Variants in C2CD2 observed in about 807,000 individuals in gnomAD.
C2CD2 encodes C2 calcium dependent domain containing 2.
A neutral mutation model predicts 74.3 loss-of-function variants in C2CD2; 43 were observed. The ratio of observed to expected loss-of-function variants is 0.58; its 90% CI spans 0.45 to 0.75. The LOEUF is 0.75. C2CD2 is among the 30% of genes least tolerant of loss of function. The pLI is 0.00. For missense variants in C2CD2, 801 were observed against 916.3 expected (o/e 0.87, Z 1.63); for synonymous variants, 422 against 390.7 (o/e 1.08, Z -0.94).
Position 41,903,865 on chromosome 21 carries a change from C to A in C2CD2, c.1432+1859G>T, listed in dbSNP as rs957302563. Among the ~76,000 whole-genome samples the A allele has an allele frequency of 7.2e-5, 11 of 152,202 alleles. No homozygotes were observed. The highest frequency in any genetic ancestry group is 2.6e-4 in the African/African-American group (11 of 41,542). ...AGGGATCCTGCCCACGTGACAGGAC[C>A]CCGCAGCATGGGCAGTGGGGGCACT... On this transcript the variant is annotated intron_variant, in intron 11 of 13. Coordinates refer to ENST00000380486, the MANE Select transcript of C2CD2 (RefSeq NM_015500.2). This position sits in a 1 kb window ranked among gnomAD's most constrained non-coding sequence, Gnocchi z 4.5.
intron 9 of C2CD2, 84 bp downstream of exon 9, chr21:41,907,576 G>C: frequency 7.0e-7 from 1 of 1,431,460 alleles, no homozygotes; most frequent in Non-Finnish European, 9.5e-7. Context: ...AGGCAGGAGT[G>C]AGACTCTGCA....
rs1409938098 is a variant in C2CD2, at chr21:41,893,701, T to TC, written c.1871-4358_1871-4357insG. Among the ~76,000 whole-genome samples, 92 of 108,712 alleles carry TC rather than the reference T, an allele frequency of 8.5e-4. 1 individual carries two copies. The highest frequency in any genetic ancestry group is 3.2e-3 in the African/African-American group (83 of 26,298). The allele number at this position is 108,712 out of a possible 152,430, so 71.3% of individuals were successfully genotyped here. ...TGTCTGCTGTTTTGTTAAATTTCTT[T>TC]TTTTTTTTTTTTTTTTTTGAGACGG... On this transcript the variant is annotated intron_variant, in intron 13 of 13. Coordinates refer to ENST00000380486, the MANE Select transcript of C2CD2 (RefSeq NM_015500.2).
In C2CD2 at chr21:41,953,534, C is replaced by A; in HGVS notation, c.115G>T (p.Ala39Ser). 4.7e-6 allele frequency: 7 copies of A among 1,478,282 alleles called. No homozygotes were observed. The highest frequency in any genetic ancestry group is 2.4e-5 in the Admixed American group (1 of 41,438). The allele number at this position is 1,478,282 out of a possible 1,614,324, so 91.6% of individuals were successfully genotyped here. A position where few individuals can be genotyped will look rare whatever the true frequency, so the allele number is the denominator to read the frequency against. Residue 39 changes from alanine (A) to serine (S), a missense_variant, in exon 1 of 14, where the codon GCC becomes TCC. By Grantham distance (99) the Ala-to-Ser change is moderately conservative. Coordinates refer to ENST00000380486, the MANE Select transcript of C2CD2 (RefSeq NM_015500.2). ...VGLYLAQWAL[A>S]RARPQPQRRA... ...CGCTGGGGCTGGGGTCGCGCCCTGG[C>A]CAGCGCCCACTGCGCCAGGTACAGG...
chr21:41,950,995 G>A (rs974527248), intron 1 of C2CD2, among the ~76,000 whole-genome samples: 4 of 152,164 alleles, frequency 2.6e-5, no homozygotes, highest in Non-Finnish European at 2.9e-5. Flanking sequence ...CTGTCCAGGC[G>A]AGAGCGGGCT....
At chr21:41,922,724 C>T (rs1362867096) in intron 2 of C2CD2, among the ~76,000 whole-genome samples, 2 of 152,224 alleles carry the variant, frequency 1.3e-5, no homozygotes, top group Admixed American at 1.3e-4. Flanking sequence ...ATCTACCCAC[C>T]TCAGCCTCCC....
At chr21:41,928,246 T>G (rs973981990) in intron 2 of C2CD2, among the ~76,000 whole-genome samples, 2 of 152,012 alleles carry the variant, frequency 1.3e-5, no homozygotes, top group African/African-American at 4.8e-5. Flanking sequence ...CGACGAAACC[T>G]CGGGGCCACC....
At position 41,886,030 on chromosome 21, in the gene C2CD2, A is replaced by G. The variant is rs1330458139; in HGVS notation, c.*3094T>C. On this transcript the variant is annotated 3_prime_UTR_variant, in exon 14 of 14. Coordinates refer to ENST00000380486, the MANE Select transcript of C2CD2 (RefSeq NM_015500.2). ...CACACGCGTGTGTGCAAACACACAT[A>G]ACACACACACACACTTAAAGCTCCA... The G allele has an allele frequency of 6.6e-6, 1 of 152,068 alleles. No individual in the cohort carries two copies. Among genetic ancestry groups the G allele is most frequent in the Non-Finnish European group, 1.5e-5 (1 of 67,934 alleles). The allele number at this position is 152,068 out of a possible 1,614,324, so 9.4% of individuals were successfully genotyped here.
In C2CD2 at chr21:41,928,544, CAAAA is replaced by C. The variant is rs59346777; in HGVS notation, c.379-6463_379-6460del. On this transcript the variant is annotated intron_variant, in intron 2 of 13. Transcript: ENST00000380486. ...GAATTTCAAATCATGTAAAGCAAAG[CAAAA>C]AAAAAAAAAAAAAAAAAAAAGACAA... is the stretch of plus-strand genomic sequence containing the variant. Among the ~76,000 whole-genome samples, 373 of 72,250 alleles carry C rather than the reference CAAAA, an allele frequency of 5.2e-3. 2 individuals are homozygous for C. The highest frequency in any genetic ancestry group is 0.018 in the African/African-American group (336 of 18,822). 47.4% of individuals were successfully genotyped at this position (72,250 alleles called of 152,430 possible).
chr21:41,901,014 T>A (rs1333409028), intron 12 of C2CD2: 1 of 152,400 alleles, frequency 6.6e-6, no homozygotes, highest in Non-Finnish European at 1.5e-5. Context: ...AATTTTAAAA[T>A]CAATTTTAAA....
intron 2 of C2CD2, among the ~76,000 whole-genome samples, chr21:41,941,366 C>T (rs2065352847): frequency 6.6e-6 from 1 of 151,970 alleles, no homozygotes; most frequent in Non-Finnish European, 1.5e-5. Flanking sequence ...TAAAACAATA[C>T]AAAACAAAGC....
At chr21:41,922,107 G>C in intron 2 of C2CD2, 22 bp from the exon 3 acceptor site, 1 of 1,418,386 alleles carries the variant, frequency 7.1e-7, no homozygotes, top group Non-Finnish European at 1.0e-6. Context: ...ACAGGTAAGG[G>C]AGAAAACTGT....
intron 6 of C2CD2, among the ~76,000 whole-genome samples, chr21:41,913,876 A>G (rs914178620): frequency 2.0e-4 from 30 of 152,292 alleles, no homozygotes; most frequent in African/African-American, 6.7e-4. Flanking sequence ...AACAGCAGCC[A>G]TGGTCTCCCA....
Position 41,895,939 on chromosome 21 carries a change from G to A in C2CD2, c.1870+3114C>T, listed in dbSNP as rs566661058. Among the ~76,000 whole-genome samples the A allele has an allele frequency of 6.6e-6, 1 of 152,208 alleles. No homozygotes were observed. Among genetic ancestry groups the A allele is most frequent in the East Asian group, 1.9e-4 (1 of 5,200 alleles). On this transcript the variant is annotated intron_variant, in intron 13 of 13. Transcript: ENST00000380486. This position sits in a 1 kb window ranked among gnomAD's most constrained non-coding sequence, Gnocchi z 5.0. ...CGACTACTTTTTAGCTCTGGAGGAC[G>A]ACAAAAGGAACCAGCTTCTTCCTGT...
At chr21:41,940,074 G>A (rs2065342323) in intron 2 of C2CD2, among the ~76,000 whole-genome samples, 1 of 152,190 alleles carries the variant, frequency 6.6e-6, no homozygotes, top group Non-Finnish European at 1.5e-5. Flanking sequence ...TTGGATTCGA[G>A]ATGCTTGACT....
chr21:41,899,413 G>A lies in C2CD2; in HGVS notation c.1561-51C>T, dbSNP rs761462643. ...CAAGGGATACATGAAAGGAAGGGAG[G>A]GTTTGAAAAGAACTGAAAAGCACTC... On this transcript the variant is annotated intron_variant, in intron 12 of 13. Transcript: ENST00000380486. This position sits in a 1 kb window ranked among gnomAD's most constrained non-coding sequence, Gnocchi z 4.4. The A allele has an allele frequency of 5.2e-6, 8 of 1,535,348 alleles. No homozygotes were observed. The highest frequency in any genetic ancestry group is 1.8e-5 in the Admixed American group (1 of 55,916).
Position 41,889,176 on chromosome 21 carries a change from C to T in C2CD2, c.2039G>A (p.Arg680Lys). ...TRILNKKLLS[R>K]HRNKNTMNGA... ...GTTCATGGTGTTCTTGTTTCTGTGC[C>T]TGGAGAGCAGCTTCTTGTTCAGGAT... The change falls in exon 14 of 14, where the codon AGG becomes AAG. Residue 680 changes from arginine to lysine, a missense_variant. Physicochemically the swap from Arg to Lys is conservative, Grantham distance 26. Coordinates refer to ENST00000380486, the MANE Select transcript of C2CD2 (RefSeq NM_015500.2). The T allele has an allele frequency of 5.6e-6, 9 of 1,612,876 alleles. No homozygotes were observed. Among genetic ancestry groups the T allele is most frequent in the Non-Finnish European group, 7.6e-6 (9 of 1,180,040 alleles).
Position 41,907,145 on chromosome 21 carries a change from C to T in C2CD2, c.1165G>A (p.Glu389Lys), listed in dbSNP as rs1358381155. 4 of 1,614,172 alleles carry T rather than the reference C, an allele frequency of 2.5e-6. No homozygotes were observed. Among genetic ancestry groups the T allele is most frequent in the Non-Finnish European group, 3.4e-6 (4 of 1,179,998 alleles). Reference protein sequence around the residue: ...TAEFSYMEPGELKSWPIPPPV... With the variant: ...TAEFSYMEPGKLKSWPIPPPV... Reference sequence around the variant, plus strand: ...GGAGGGATGGGCCAGGATTTCAATTCACCAGGTTCCATGTAAGAGAACTGC... The same window carrying T: ...GGAGGGATGGGCCAGGATTTCAATTTACCAGGTTCCATGTAAGAGAACTGC... The change falls in exon 10 of 14, where the codon GAA (glutamate) becomes AAA (lysine). Residue 389 changes from glutamate (E) to lysine (K), a missense_variant. Physicochemically the swap from Glu to Lys is moderately conservative, Grantham distance 56. Transcript: ENST00000380486.
intron 5 of C2CD2, among the ~76,000 whole-genome samples, chr21:41,915,706 C>T (rs1446566077): frequency 1.3e-5 from 2 of 152,156 alleles, no homozygotes; most frequent in Non-Finnish European, 2.9e-5. Flanking sequence ...TCCCAAAGTG[C>T]TGGGATTACA....
At chr21:41,944,021 G>C (rs1026490875) in intron 1 of C2CD2, among the ~76,000 whole-genome samples, 1 of 152,200 alleles carries the variant, frequency 6.6e-6, no homozygotes, top group East Asian at 1.9e-4. Flanking sequence ...CAGCACAGAG[G>C]CCAGTGCCAG....
Sources: gnomAD v4.1 joint callset for allele counts (sites outside exome capture counted in the v4.1 genomes callset) on GRCh38, gnomAD v4.1.1 for gene constraint, Gnocchi (gnomAD v3.1) non-coding constraint, MANE v1.5 for transcripts, NCBI Gene and HGNC (gene_info 2026-07-23, HGNC 2026-07-21) for gene names.